The following CSMD1 variants were observed in gnomAD, a reference collection of about 807,000 sequenced individuals.
The protein encoded by CSMD1 is CUB and Sushi multiple domains 1, also known as CUB and sushi domain-containing protein 1.
In CSMD1, 213 loss-of-function variants were observed where a neutral mutation model predicts 417.5. That is an observed-to-expected ratio of 0.51 (90% CI 0.46 to 0.57). The LOEUF (loss-of-function observed/expected upper bound fraction) is 0.57, where lower values mean the gene tolerates loss of function less well. Ranked by LOEUF, CSMD1 falls within the 20% of genes least tolerant of loss-of-function variation. CSMD1 has a pLI of 0.00. For missense variants in CSMD1, 6,923 were observed against 4,529.7 expected (o/e 1.53, Z -15.17); for synonymous variants, 2,862 against 1,736.8 (o/e 1.65, Z -16.11).
chr8:3,752,750 G>A (rs1329614188), intron 6 of CSMD1, among the ~76,000 whole-genome samples: 5 of 149,136 alleles, frequency 3.4e-5, no homozygotes, highest in African/African-American at 1.2e-4. Context: ...GAGGCAGGAA[G>A]TTCTGCGTAC....
intron 2 of CSMD1, among the ~76,000 whole-genome samples, chr8:4,459,188 A>G (rs372879712): frequency 1.3e-5 from 2 of 152,214 alleles, no homozygotes; most frequent in African/African-American, 4.8e-5. Flanking sequence ...GAGTTTGGCC[A>G]ACAGGCCATG....
chr8:4,973,183 A>G lies in CSMD1; in HGVS notation c.85+21149T>C, dbSNP rs1161124928. On this transcript the variant is annotated intron_variant, in intron 1 of 69. Transcript: ENST00000635120. ...CCAATATCTTGCAGAACACTTTATT[A>G]CTTTTTAGTGCCTTTTTGGTTCCTC... 2.6e-5 allele frequency among the ~76,000 whole-genome samples: 4 copies of G among 152,258 alleles called. No homozygotes were observed. In the South Asian group the frequency reaches 8.3e-4, roughly 32 times the overall value.
chr8:3,362,617 A>G (rs1809271333), intron 20 of CSMD1, among the ~76,000 whole-genome samples: 1 of 152,170 alleles, frequency 6.6e-6, no homozygotes. Context: ...TGATCCTGTT[A>G]TATGAACTGA....
At chr8:4,814,861 T>A (rs755472224) in intron 1 of CSMD1, among the ~76,000 whole-genome samples, 39 of 152,340 alleles carry the variant, frequency 2.6e-4, no homozygotes, top group South Asian at 2.1e-4. Context: ...ATTTGTTAGA[T>A]ACTATTAGCT....
chr8:3,935,867 GC>G (rs1192459259), intron 5 of CSMD1, among the ~76,000 whole-genome samples: 1 of 152,088 alleles, frequency 6.6e-6, no homozygotes, highest in Non-Finnish European at 1.5e-5. Context: ...GAAATCATTG[GC>G]CTTAGTGAGA....
chr8:3,707,766 C>A (rs1187353127), intron 7 of CSMD1, among the ~76,000 whole-genome samples: 1 of 152,154 alleles, frequency 6.6e-6, no homozygotes, highest in Non-Finnish European at 1.5e-5. Flanking sequence ...GGCAGAGAAG[C>A]ACCATGACCC....
intron 2 of CSMD1, among the ~76,000 whole-genome samples, chr8:4,438,627 A>T (rs1798282706): frequency 6.6e-6 from 1 of 152,130 alleles, no homozygotes; most frequent in Non-Finnish European, 1.5e-5. Flanking sequence ...TTTTATACCT[A>T]CATTATCCCA....
chr8:4,779,106 G>A (rs778314659), intron 1 of CSMD1, among the ~76,000 whole-genome samples: 1 of 152,136 alleles, frequency 6.6e-6, no homozygotes, highest in Non-Finnish European at 1.5e-5. Flanking sequence ...TTTTAAAACT[G>A]CTTTTATTGT....
chr8:3,743,245 T>C (rs1284547884), intron 6 of CSMD1, among the ~76,000 whole-genome samples: 1 of 152,226 alleles, frequency 6.6e-6, no homozygotes, highest in African/African-American at 2.4e-5. Context: ...TGCTCAGGCA[T>C]TGAAATATTC....
intron 17 of CSMD1, among the ~76,000 whole-genome samples, chr8:3,389,038 G>T (rs1302565435): frequency 1.3e-5 from 2 of 152,078 alleles, no homozygotes; most frequent in Non-Finnish European, 2.9e-5. Flanking sequence ...CCCAATGCTG[G>T]GTGAATGATT....
At chr8:4,541,545 C>T (rs1249503671) in intron 2 of CSMD1, among the ~76,000 whole-genome samples, 3 of 151,894 alleles carry the variant, frequency 2.0e-5, no homozygotes, top group African/African-American at 7.3e-5. Flanking sequence ...GTCAGGAGTT[C>T]AAGAACAGCC....
At chr8:3,110,404 G>T (rs1399959381) in intron 42 of CSMD1, 69 bp from the exon 43 acceptor site, 63 of 1,321,608 alleles carry the variant, frequency 4.8e-5, no homozygotes, top group Non-Finnish European at 6.1e-5. Flanking sequence ...CTAAATATTT[G>T]ACTCCAAAGT....
Position 3,670,991 on chromosome 8 carries a change from G to A in CSMD1, c.1009+37423C>T, listed in dbSNP as rs201786149. On this transcript the variant is annotated intron_variant, in intron 7 of 69. Transcript: ENST00000635120. ...GTATATGGGATATATATGTATATGG[G>A]ATATATATGTATGGGATATATATGT... 8.5e-5 allele frequency among the ~76,000 whole-genome samples: 11 copies of A among 129,646 alleles called. No individual in the cohort carries two copies. The East Asian group carries it at 2.0e-3, about 24-fold the overall frequency. 85.1% of individuals were successfully genotyped at this position (129,646 alleles called of 152,430 possible).
intron 62 of CSMD1, among the ~76,000 whole-genome samples, chr8:2,958,328 C>G (rs1803170159): frequency 6.6e-6 from 1 of 152,164 alleles, no homozygotes; most frequent in Non-Finnish European, 1.5e-5. Context: ...AAAGCTAACC[C>G]CCACTTAATT....
intron 3 of CSMD1, among the ~76,000 whole-genome samples, chr8:4,077,073 G>A (rs1205990158): frequency 1.3e-5 from 2 of 151,678 alleles, no homozygotes; most frequent in Non-Finnish European, 2.9e-5. Context: ...CAATATAATT[G>A]GTCATAAATG....
rs1262479719 is a variant in CSMD1, at chr8:4,920,876, G to C, written c.85+73456C>G. The stretch of plus-strand genomic sequence containing the variant: ...GAAAAGAAAAGAAAAGAAAAGAAAA[G>C]AAAAGAAAAGAAAAGAAAAGAAAAG... On this transcript the variant is annotated intron_variant, in intron 1 of 69. Coordinates refer to ENST00000635120, the MANE Select transcript of CSMD1 (RefSeq NM_033225.6). Among the ~76,000 whole-genome samples, 19 of 19,956 alleles carry C rather than the reference G, an allele frequency of 9.5e-4. 2 individuals are homozygous for C. The highest frequency in any genetic ancestry group is 1.8e-3 in the African/African-American group (19 of 10,728). The allele number at this position is 19,956 out of a possible 152,430, so 13.1% of individuals were successfully genotyped here.
intron 3 of CSMD1, among the ~76,000 whole-genome samples, chr8:4,305,471 A>T (rs949878408): frequency 6.6e-6 from 1 of 152,208 alleles, no homozygotes; most frequent in African/African-American, 2.4e-5. Flanking sequence ...GAATCACTGT[A>T]AAATTAATGT....
At chr8:3,713,067 G>C (rs1329700285) in intron 6 of CSMD1, among the ~76,000 whole-genome samples, 2 of 151,996 alleles carry the variant, frequency 1.3e-5, no homozygotes, top group Non-Finnish European at 2.9e-5. Flanking sequence ...ACAAAAACTT[G>C]AAATAAATAT....
intron 3 of CSMD1, among the ~76,000 whole-genome samples, chr8:4,206,340 T>C (rs902514758): frequency 3.3e-5 from 5 of 151,970 alleles, no homozygotes; most frequent in African/African-American, 1.2e-4. Flanking sequence ...GCTATCCCTT[T>C]CCCCTCCCCC....
Sources: gnomAD v4.1 joint callset for allele counts (sites outside exome capture counted in the v4.1 genomes callset) on GRCh38, gnomAD v4.1.1 for gene constraint, MANE v1.5 for transcripts, NCBI Gene and HGNC (gene_info 2026-07-23, HGNC 2026-07-21) for gene names.